PCCA: variants seen among roughly 807,000 people sequenced by gnomAD.
PCCA encodes the protein propionyl-CoA carboxylase subunit alpha, also known as propionyl-CoA carboxylase alpha chain, mitochondrial.
In PCCA, 74 loss-of-function variants were observed where a neutral mutation model predicts 101.3. The observed-to-expected ratio is 0.73, with a 90% confidence interval of 0.61 to 0.89. The LOEUF (loss-of-function observed/expected upper bound fraction) is 0.89, where lower values mean the gene tolerates loss of function less well. Among genes scored for constraint, PCCA ranks in the 40% least tolerant of loss-of-function variants. The pLI, the probability that PCCA is intolerant of heterozygous loss-of-function variation, is 0.00. For missense variants in PCCA, 891 were observed against 907.0 expected (o/e 0.98, Z 0.23); for synonymous variants, 294 against 313.6 (o/e 0.94, Z 0.66).
At chr13:100,224,390 C>T (rs585662) in intron 7 of PCCA, among the ~76,000 whole-genome samples, 21,543 of 152,288 alleles carry the variant, frequency 0.14, 1,684 homozygotes, top group Middle Eastern at 0.21. Context: ...CCAGCTGGCC[C>T]GCAAGCGCAG....
chr13:100,350,057 A>G (rs936685430), intron 18 of PCCA, among the ~76,000 whole-genome samples: 1 of 152,194 alleles, frequency 6.6e-6, no homozygotes, highest in Non-Finnish European at 1.5e-5. Flanking sequence ...AGATGATAAA[A>G]GTTTAAGGTT....
chr13:100,170,142 T>G (rs2055491878), intron 6 of PCCA, among the ~76,000 whole-genome samples: 1 of 152,240 alleles, frequency 6.6e-6, no homozygotes, highest in South Asian at 2.1e-4. Context: ...GAAGCATCCT[T>G]GTGCTTTCAT....
chr13:100,375,438 C>G (rs1315544974), intron 19 of PCCA, among the ~76,000 whole-genome samples: 1 of 152,182 alleles, frequency 6.6e-6, no homozygotes, highest in Non-Finnish European at 1.5e-5. Flanking sequence ...TTTTCTGTCT[C>G]ATTGATCTAA....
At chr13:100,359,194 A>G (rs914234426) in intron 18 of PCCA, among the ~76,000 whole-genome samples, 7 of 152,112 alleles carry the variant, frequency 4.6e-5, no homozygotes, top group Non-Finnish European at 1.0e-4. Flanking sequence ...ATCAGGAAGC[A>G]TGTATTAGGA....
In PCCA at chr13:100,453,826, G is replaced by GA. The variant is rs199655391; in HGVS notation, c.1899+4527dup. 4.3e-5 allele frequency among the ~76,000 whole-genome samples: 4 copies of GA among 92,250 alleles called. No homozygotes were observed. In the South Asian group the frequency reaches 1.6e-3, roughly 37 times the overall value. The allele number at this position is 92,250 out of a possible 152,430, so 60.5% of individuals were successfully genotyped here. A position where few individuals can be genotyped will look rare whatever the true frequency, so the allele number is the denominator to read the frequency against. ...CTTAAATGGACAACAAAAGTCACCG[G>GA]AAAAAAGGGAAAAAAAGAATGTCTT... On this transcript the variant is annotated intron_variant, in intron 21 of 23. Coordinates refer to ENST00000376285, the MANE Select transcript of PCCA (RefSeq NM_000282.4).
At chr13:100,308,606 G>A (rs907619570) in intron 15 of PCCA, among the ~76,000 whole-genome samples, 1 of 152,090 alleles carries the variant, frequency 6.6e-6, no homozygotes, top group Admixed American at 6.5e-5. Context: ...GATTACAAAC[G>A]TGAGCCACCG....
At chr13:100,096,593 G>T (rs990568916) in intron 1 of PCCA, among the ~76,000 whole-genome samples, 19 of 152,178 alleles carry the variant, frequency 1.2e-4, no homozygotes, top group African/African-American at 4.3e-4. Flanking sequence ...CCTGTCAAAA[G>T]CCAAGATAGA....
chr13:100,454,053 A>C (rs2081537302), intron 21 of PCCA, among the ~76,000 whole-genome samples: 1 of 152,016 alleles, frequency 6.6e-6, no homozygotes, highest in South Asian at 2.1e-4. Flanking sequence ...TTGTATTTTT[A>C]GTAGAGGCAG....
At chr13:100,291,017 A>G (rs2065073722) in intron 12 of PCCA, among the ~76,000 whole-genome samples, 1 of 152,252 alleles carries the variant, frequency 6.6e-6, no homozygotes. Context: ...GAAAATATCA[A>G]TTCAACAATT....
rs758676556 is a variant in PCCA, at chr13:100,235,896, C to T, written c.637+18C>T. 2.6e-6 allele frequency: 4 copies of T among 1,548,930 alleles called. No individual in the cohort carries two copies. The South Asian group carries it at 4.5e-5, about 17-fold the overall frequency. ...GGAAATTGGTAAGTCCTTAAATTAACTTTGGTAGGATTTCTGTGTCTTTCA... is the reference window on the plus strand; with the variant it reads ...GGAAATTGGTAAGTCCTTAAATTAATTTTGGTAGGATTTCTGTGTCTTTCA... On this transcript the variant is annotated intron_variant, in intron 8 of 23. Transcript: ENST00000376285.
chr13:100,348,179 C>G (rs2072572253), intron 18 of PCCA, among the ~76,000 whole-genome samples: 1 of 152,186 alleles, frequency 6.6e-6, no homozygotes, highest in South Asian at 2.1e-4. Flanking sequence ...TCCTTCCAAA[C>G]CAGTAGCCCA....
intron 4 of PCCA, chr13:100,149,412 C>T (rs2053018311): frequency 6.6e-6 from 1 of 152,162 alleles, no homozygotes; most frequent in African/African-American, 2.4e-5. Flanking sequence ...CTCCAGAACT[C>T]TCTTCATATT....
At chr13:100,122,143 A>G (rs1455714871) in intron 4 of PCCA, among the ~76,000 whole-genome samples, 1 of 152,086 alleles carries the variant, frequency 6.6e-6, no homozygotes, top group Non-Finnish European at 1.5e-5. Context: ...TATATGGTGT[A>G]TTGTTACATT....
rs121964958 is a variant in PCCA, at chr13:100,301,512, T to A, written c.1118T>A (p.Met373Lys). The change falls in exon 13 of 24, where the codon ATG (methionine) becomes AAG (lysine). Residue 373 changes from methionine (M) to lysine (K), a missense_variant. Transcript: ENST00000376285. ...ACTGGCCTGGACCTAGTCCAGGAAA[T>A]GATCCGTGTTGCTAAGGGCTACCCT... ...CITGLDLVQE[M>K]IRVAKGYPLR... 3.7e-6 allele frequency: 6 copies of A among 1,613,986 alleles called. No homozygotes were observed. Among genetic ancestry groups the A allele is most frequent in the East Asian group, 2.2e-5 (1 of 44,890 alleles).
chr13:100,412,534 G>A (rs2078116842), intron 19 of PCCA, among the ~76,000 whole-genome samples: 2 of 152,180 alleles, frequency 1.3e-5, no homozygotes, highest in Non-Finnish European at 2.9e-5. Context: ...CTTATTAGGT[G>A]CAATAAAAGG....
intron 12 of PCCA, among the ~76,000 whole-genome samples, chr13:100,285,223 C>T (rs1021359844): frequency 6.6e-6 from 1 of 152,170 alleles, no homozygotes; most frequent in African/African-American, 2.4e-5. Context: ...AGCCAGGCCA[C>T]TCTGTACGCT....
intron 4 of PCCA, among the ~76,000 whole-genome samples, chr13:100,127,847 G>A (rs751691913): frequency 2.6e-4 from 39 of 152,254 alleles, no homozygotes; most frequent in East Asian, 1.9e-4. Context: ...AGCCGAGATC[G>A]CGCCACTGCA....
intron 1 of PCCA, among the ~76,000 whole-genome samples, chr13:100,093,995 G>A (rs550068280): frequency 3.9e-5 from 6 of 152,044 alleles, no homozygotes; most frequent in South Asian, 4.1e-4. Flanking sequence ...TTGGGAGGCC[G>A]AGGCAGGCAG....
rs141405833 is a variant in PCCA at position 100,110,717 on chromosome 13, C to T, written c.184-1124C>T. 3.8e-3 allele frequency among the ~76,000 whole-genome samples: 583 copies of T among 152,288 alleles called. 1 individual carries two copies. Among genetic ancestry groups the T allele is most frequent in the African/African-American group, 0.012 (518 of 41,550 alleles). The stretch of plus-strand genomic sequence containing the variant: ...ATTATACTTACTTAGTATCAGACTT[C>T]CCTTTGAAAACAACTCATGACACTT... On this transcript the variant is annotated intron_variant, in intron 2 of 23. Transcript: ENST00000376285.
Sources: gnomAD v4.1 joint callset for allele counts (sites outside exome capture counted in the v4.1 genomes callset) on GRCh38, gnomAD v4.1.1 for gene constraint, MANE v1.5 for transcripts, NCBI Gene and HGNC (gene_info 2026-07-23, HGNC 2026-07-21) for gene names.